TMEFF2: variants seen among roughly 807,000 people sequenced by gnomAD.
TMEFF2 encodes transmembrane protein with EGF like and two follistatin like domains 2, also known as tomoregulin-2.
TMEFF2 carries 28 observed loss-of-function variants against 53.8 expected under a neutral mutation model. The ratio of observed to expected loss-of-function variants is 0.52; its 90% CI spans 0.39 to 0.71. The LOEUF (loss-of-function observed/expected upper bound fraction) is 0.71. Among genes scored for constraint, TMEFF2 ranks in the 30% least tolerant of loss-of-function variants. The pLI is 0.00. For synonymous variants in TMEFF2, 162 were observed against 166.3 expected (o/e 0.97, Z 0.20); for missense variants, 353 against 455.2 (o/e 0.78, Z 2.04).
intron 7 of TMEFF2, among the ~76,000 whole-genome samples, chr2:191,976,099 G>A (rs1685719427): frequency 6.6e-6 from 1 of 152,152 alleles, no homozygotes; most frequent in Non-Finnish European, 1.5e-5. Flanking sequence ...GTGAATTTTT[G>A]CAATACTGAA....
intron 4 of TMEFF2, among the ~76,000 whole-genome samples, chr2:192,094,527 G>A (rs1300500805): frequency 2.0e-5 from 3 of 150,538 alleles, no homozygotes; most frequent in Non-Finnish European, 4.4e-5. Flanking sequence ...TGTGTGTTTG[G>A]TCAATCTACA....
rs79337130 is a variant in TMEFF2 at position 192,016,962 on chromosome 2, G to A, written c.537-17754C>T. 2.9e-3 allele frequency among the ~76,000 whole-genome samples: 437 copies of A among 152,312 alleles called. 1 individual carries two copies. The highest frequency in any genetic ancestry group is 0.01 in the African/African-American group (418 of 41,584). ...ACAAAAAAATTAATTACAGAGTGTT[G>A]TTTTAGAGGCAAATGCAAGGCTGCA... is the stretch of plus-strand genomic sequence containing the variant. On this transcript the variant is annotated intron_variant, in intron 5 of 9. Transcript: ENST00000272771.
chr2:192,120,054 G>A (rs1157847169), intron 4 of TMEFF2, among the ~76,000 whole-genome samples: 2 of 152,088 alleles, frequency 1.3e-5, no homozygotes, highest in East Asian at 1.9e-4. Context: ...AATTAAGATG[G>A]TCCCTAAGTT....
chr2:192,084,984 T>C (rs1366783335), intron 4 of TMEFF2, among the ~76,000 whole-genome samples: 1 of 152,170 alleles, frequency 6.6e-6, no homozygotes, highest in Admixed American at 6.6e-5. Context: ...AACTGAAAAC[T>C]GTCATAAAAG....
rs1160707179 is a variant in TMEFF2, at chr2:191,953,773, G to T, written c.934C>A (p.Pro312Thr). 1.2e-6 allele frequency: 2 copies of T among 1,613,882 alleles called. No individual in the cohort carries two copies. The highest frequency in any genetic ancestry group is 1.7e-6 in the Non-Finnish European group (2 of 1,179,910). The stretch of plus-strand genomic sequence containing the variant: ...ACATACTGAAATCGTACAGGACCGG[G>T]AACAACGTATAGAACACTGTAGTCC... ...KKDYSVLYVVPGPVRFQYVLI... is the reference protein window; with the variant it reads ...KKDYSVLYVVTGPVRFQYVLI... The change falls in exon 9 of 10, where the codon CCC becomes ACC. Residue 312 changes from proline to threonine, a missense_variant. Physicochemically the swap from Pro to Thr is conservative, Grantham distance 38. Transcript: ENST00000272771.
At chr2:192,097,008 C>G (rs912024877) in intron 4 of TMEFF2, among the ~76,000 whole-genome samples, 1 of 152,054 alleles carries the variant, frequency 6.6e-6, no homozygotes, top group Non-Finnish European at 1.5e-5. Context: ...ATTTAATGTG[C>G]TAAATATAGT....
At chr2:192,002,798 C>T (rs1686400645) in intron 5 of TMEFF2, among the ~76,000 whole-genome samples, 1 of 152,100 alleles carries the variant, frequency 6.6e-6, no homozygotes, top group Non-Finnish European at 1.5e-5. Flanking sequence ...CCACTACACT[C>T]CAGCCTGGGC....
intron 7 of TMEFF2, among the ~76,000 whole-genome samples, chr2:191,960,304 G>C (rs550734264): frequency 3.9e-5 from 6 of 152,278 alleles, no homozygotes; most frequent in African/African-American, 1.2e-4. Flanking sequence ...CTCTTGTTCT[G>C]ATGCTCTGTT....
At chr2:192,012,531 T>C (rs1686653990) in intron 5 of TMEFF2, among the ~76,000 whole-genome samples, 1 of 152,198 alleles carries the variant, frequency 6.6e-6, no homozygotes, top group Non-Finnish European at 1.5e-5. Context: ...ATCCAAATGT[T>C]GTATTAGCTA....
At chr2:192,039,983 T>G (rs1294053222) in intron 5 of TMEFF2, among the ~76,000 whole-genome samples, 3 of 152,076 alleles carry the variant, frequency 2.0e-5, no homozygotes, top group African/African-American at 7.2e-5. Flanking sequence ...TCACCTACAA[T>G]TTTACAAGTT....
chr2:192,049,730 G>A (rs578146063), intron 5 of TMEFF2, among the ~76,000 whole-genome samples: 4 of 152,296 alleles, frequency 2.6e-5, no homozygotes, highest in Middle Eastern at 3.4e-3. Context: ...GGCCAGGTGC[G>A]ATGGCTTATA....
At chr2:192,044,719 G>A (rs1481338016) in intron 5 of TMEFF2, among the ~76,000 whole-genome samples, 1 of 152,298 alleles carries the variant, frequency 6.6e-6, no homozygotes. Flanking sequence ...GTGAATCACA[G>A]TGCGGATCCT....
intron 4 of TMEFF2, among the ~76,000 whole-genome samples, chr2:192,071,446 A>T (rs1323318128): frequency 6.6e-6 from 1 of 151,868 alleles, no homozygotes; most frequent in Non-Finnish European, 1.5e-5. Context: ...ATGTAGGATG[A>T]GGTCTATATT....
Position 191,956,246 on chromosome 2 carries a change from A to C in TMEFF2, c.869+9T>G, listed in dbSNP as rs1280716693. ...ATACATTAACTATTCTTGCGAGTAA[A>C]AATGTTACCTGCAAGATGGCTCCTG... On this transcript the variant is annotated intron_variant, in intron 8 of 9. Transcript: ENST00000272771. 6.2e-7 allele frequency: 1 copy of C among 1,602,814 alleles called. No individual in the cohort carries two copies. Among genetic ancestry groups the C allele is most frequent in the Non-Finnish European group, 8.5e-7 (1 of 1,176,512 alleles).
chr2:192,010,781 TA>T, intron 5 of TMEFF2, among the ~76,000 whole-genome samples: 1 of 152,178 alleles, frequency 6.6e-6, no homozygotes, highest in South Asian at 2.1e-4. Flanking sequence ...TGAGCAGTAA[TA>T]ACTACTTACA....
At chr2:192,127,333 A>T (rs75979536) in intron 4 of TMEFF2, among the ~76,000 whole-genome samples, 1 of 152,260 alleles carries the variant, frequency 6.6e-6, no homozygotes, top group Non-Finnish European at 1.5e-5. Context: ...CTCATTAAAT[A>T]TCACAGGCCA....
At chr2:191,957,025 G>A (rs569977356) in intron 7 of TMEFF2, among the ~76,000 whole-genome samples, 2 of 152,278 alleles carry the variant, frequency 1.3e-5, no homozygotes, top group South Asian at 2.1e-4. Flanking sequence ...TACTGTAAGT[G>A]TATTTAAATG....
At chr2:192,018,906 A>G (rs1287094672) in intron 5 of TMEFF2, among the ~76,000 whole-genome samples, 1 of 152,038 alleles carries the variant, frequency 6.6e-6, no homozygotes, top group South Asian at 2.1e-4. Flanking sequence ...AATTTGCTGT[A>G]CTTATGTGAT....
At chr2:191,960,475 G>A (rs776504202) in intron 7 of TMEFF2, among the ~76,000 whole-genome samples, 2 of 152,132 alleles carry the variant, frequency 1.3e-5, no homozygotes, top group African/African-American at 2.4e-5. Flanking sequence ...GGGGTCACAT[G>A]TCATCTTCAT....
Sources: allele counts gnomAD v4.1 joint callset (sites outside exome capture counted in the v4.1 genomes callset), GRCh38; gene constraint gnomAD v4.1.1; transcripts MANE v1.5; gene names NCBI Gene and HGNC (gene_info 2026-07-23, HGNC 2026-07-21).